The following AGBL4 variants were observed in gnomAD, a reference collection of about 807,000 sequenced individuals.
AGBL4 encodes the protein cytosolic carboxypeptidase 6.
A neutral mutation model predicts 66.4 loss-of-function variants in AGBL4; 58 were observed. That is an observed-to-expected ratio of 0.87 (90% CI 0.71 to 1.09). AGBL4 has a LOEUF of 1.09. AGBL4 is among the 50% of genes least tolerant of loss of function. The probability of loss-of-function intolerance (pLI) is 0.00; values close to 1 mark genes in which losing one functional copy is unlikely to be tolerated. For synonymous variants in AGBL4, 234 were observed against 222.9 expected (o/e 1.05, Z -0.44); for missense variants, 579 against 631.0 (o/e 0.92, Z 0.88).
rs548113541 is a variant in AGBL4, at chr1:49,976,352, T to C, written c.34+47411A>G. Among the ~76,000 whole-genome samples, 4 of 152,292 alleles carry C rather than the reference T, an allele frequency of 2.6e-5. No individual in the cohort carries two copies. The South Asian group carries it at 8.3e-4, about 32-fold the overall frequency. ...TTGGACCATATTAATGGCTTCCCTGTACCCATGCACTTTGGGGGTTAAAAT... is the reference window on the plus strand; with the variant it reads ...TTGGACCATATTAATGGCTTCCCTGCACCCATGCACTTTGGGGGTTAAAAT... On this transcript the variant is annotated intron_variant, in intron 1 of 13. Transcript: ENST00000371839.
chr1:50,010,074 G>C (rs1454076645), intron 1 of AGBL4, among the ~76,000 whole-genome samples: 1 of 152,152 alleles, frequency 6.6e-6, no homozygotes, highest in Non-Finnish European at 1.5e-5. Flanking sequence ...TTGGGAGGTG[G>C]AGGTGGGTGG....
chr1:49,882,003 G>A (rs1251457349), intron 1 of AGBL4, among the ~76,000 whole-genome samples: 1 of 152,050 alleles, frequency 6.6e-6, no homozygotes, highest in Non-Finnish European at 1.5e-5. Context: ...TTTTCTTCTA[G>A]GGTTTTTATG....
At chr1:48,577,157 G>T (rs1255626080) in intron 11 of AGBL4, among the ~76,000 whole-genome samples, 2 of 152,186 alleles carry the variant, frequency 1.3e-5, no homozygotes, top group Admixed American at 6.5e-5. Context: ...ACCTGAAACT[G>T]GTTGGAGCTA....
intron 1 of AGBL4, among the ~76,000 whole-genome samples, chr1:49,975,362 C>A (rs1179327974): frequency 6.6e-6 from 1 of 152,180 alleles, no homozygotes; most frequent in Admixed American, 6.5e-5. Context: ...GAAAACAGTT[C>A]TGCAAGTTTA....
At chr1:48,878,939 A>G (rs1201059492) in intron 5 of AGBL4, among the ~76,000 whole-genome samples, 2 of 152,098 alleles carry the variant, frequency 1.3e-5, no homozygotes, top group African/African-American at 2.4e-5. Flanking sequence ...ACTGTCTCTC[A>G]AGGAAGCTCC....
At chr1:49,947,953 T>A (rs1415887744) in intron 1 of AGBL4, among the ~76,000 whole-genome samples, 1 of 109,536 alleles carries the variant, frequency 9.1e-6, no homozygotes, top group African/African-American at 3.4e-5. Flanking sequence ...ATAGCTGCAA[T>A]ATATATATAA....
intron 3 of AGBL4, among the ~76,000 whole-genome samples, chr1:49,653,772 GA>G (rs1313353324): frequency 1.3e-5 from 2 of 151,466 alleles, no homozygotes; most frequent in Admixed American, 1.3e-4. Context: ...TGAGATTAGA[GA>G]AAAAAGAATG....
Position 49,099,586 on chromosome 1 carries a change from T to C in AGBL4, c.378-53786A>G, listed in dbSNP as rs76231364. Among the ~76,000 whole-genome samples the C allele has an allele frequency of 3.1e-4, 47 of 152,318 alleles. No individual in the cohort carries two copies. In the East Asian group the frequency reaches 6.8e-3, roughly 22 times the overall value. ...TTTAATTACCAGAATAACTTTGCCA[T>C]GGAAACATTATAATCCAAGTACTTT... On this transcript the variant is annotated intron_variant, in intron 4 of 13. Coordinates refer to ENST00000371839, the MANE Select transcript of AGBL4 (RefSeq NM_032785.4).
chr1:48,932,610 G>A (rs1385745636), intron 5 of AGBL4, among the ~76,000 whole-genome samples: 4 of 152,084 alleles, frequency 2.6e-5, no homozygotes, highest in Admixed American at 2.6e-4. Flanking sequence ...TAGCCTAAGT[G>A]CAAGTAAAAA....
chr1:49,132,168 T>C (rs939550377), intron 4 of AGBL4, among the ~76,000 whole-genome samples: 5 of 152,028 alleles, frequency 3.3e-5, no homozygotes, highest in African/African-American at 1.2e-4. Context: ...AATTCATAAA[T>C]TTAGGACAGT....
chr1:49,134,333 A>C (rs1204796245), intron 4 of AGBL4, among the ~76,000 whole-genome samples: 1 of 152,148 alleles, frequency 6.6e-6, no homozygotes, highest in Non-Finnish European at 1.5e-5. Flanking sequence ...GTTCAAGAGC[A>C]GAGAACCGGT....
At chr1:49,855,634 C>T (rs1646414132) in intron 1 of AGBL4, among the ~76,000 whole-genome samples, 1 of 151,960 alleles carries the variant, frequency 6.6e-6, no homozygotes, top group Non-Finnish European at 1.5e-5. Flanking sequence ...AGCAATTAAA[C>T]AACATGCTCC....
chr1:49,135,006 T>C (rs1049140878), intron 4 of AGBL4, among the ~76,000 whole-genome samples: 7 of 151,926 alleles, frequency 4.6e-5, no homozygotes, highest in African/African-American at 1.2e-4. Flanking sequence ...ACATATATAG[T>C]ATACATATAT....
chr1:48,582,902 C>T (rs929806320), intron 11 of AGBL4, among the ~76,000 whole-genome samples: 2 of 152,148 alleles, frequency 1.3e-5, no homozygotes, highest in African/African-American at 2.4e-5. Flanking sequence ...AAGAACTGAA[C>T]CAATGGACAC....
intron 1 of AGBL4, among the ~76,000 whole-genome samples, chr1:49,980,750 A>C (rs553134802): frequency 2.0e-5 from 3 of 152,172 alleles, no homozygotes; most frequent in Non-Finnish European, 2.9e-5. Flanking sequence ...ATATCTCTTC[A>C]AGATCCCGCT....
At chr1:48,715,233 C>G (rs370293131) in intron 6 of AGBL4, among the ~76,000 whole-genome samples, 2 of 152,080 alleles carry the variant, frequency 1.3e-5, no homozygotes, top group East Asian at 3.9e-4. Context: ...TACCCCTCCT[C>G]GGGCCCAGCT....
intron 9 of AGBL4, among the ~76,000 whole-genome samples, chr1:48,625,185 C>T (rs577457180): frequency 6.6e-6 from 1 of 150,538 alleles, no homozygotes; most frequent in South Asian, 2.1e-4. Flanking sequence ...TTTTCTGTCT[C>T]TGTCTCTCTT....
intron 11 of AGBL4, among the ~76,000 whole-genome samples, chr1:48,576,580 G>T (rs1289769657): frequency 1.3e-5 from 2 of 152,044 alleles, no homozygotes; most frequent in Non-Finnish European, 2.9e-5. Context: ...CCTCTGTTTT[G>T]GGAAACTCCT....
At chr1:49,560,402 A>G (rs1349639862) in intron 3 of AGBL4, among the ~76,000 whole-genome samples, 1 of 152,170 alleles carries the variant, frequency 6.6e-6, no homozygotes, top group Non-Finnish European at 1.5e-5. Flanking sequence ...GTGAGCCTGA[A>G]GACAGGCTAT....
Sources: gnomAD v4.1 joint callset for allele counts (sites outside exome capture counted in the v4.1 genomes callset) on GRCh38, gnomAD v4.1.1 for gene constraint, MANE v1.5 for transcripts, NCBI Gene and HGNC (gene_info 2026-07-23, HGNC 2026-07-21) for gene names.